Variants in GPD2 observed in about 807,000 individuals in gnomAD.
GPD2 encodes the protein glycerol-3-phosphate dehydrogenase 2, also known as glycerol-3-phosphate dehydrogenase, mitochondrial.
A neutral mutation model predicts 82.4 loss-of-function variants in GPD2; 54 were observed. That is an observed-to-expected ratio of 0.66 (90% CI 0.53 to 0.82). The LOEUF (loss-of-function observed/expected upper bound fraction) is 0.82, where lower values mean the gene tolerates loss of function less well. Ranked by LOEUF, GPD2 falls within the 40% of genes least tolerant of loss-of-function variation. The pLI is 0.00. For missense variants in GPD2, 748 were observed against 896.2 expected (o/e 0.83, Z 2.11); for synonymous variants, 288 against 306.1 (o/e 0.94, Z 0.62).
intron 1 of GPD2, among the ~76,000 whole-genome samples, chr2:156,451,473 CCCCCCCACCTCCCT>C (rs1682576697): frequency 2.6e-5 from 1 of 37,938 alleles, no homozygotes; most frequent in Non-Finnish European, 5.3e-5. Context: ...GGGGGGCTGA[CCCCCCCACCTCCCT>C]CCCGGAAGGG....
At chr2:156,480,693 G>A (rs1376822362) in intron 2 of GPD2, among the ~76,000 whole-genome samples, 4 of 151,844 alleles carry the variant, frequency 2.6e-5, no homozygotes, top group Non-Finnish European at 5.9e-5. Flanking sequence ...CTCAAAGCCC[G>A]GATGTGAAAA....
intron 8 of GPD2, among the ~76,000 whole-genome samples, chr2:156,557,133 A>G (rs1686992892): frequency 6.6e-6 from 1 of 152,170 alleles, no homozygotes; most frequent in Non-Finnish European, 1.5e-5. Context: ...TTAGCCTTGC[A>G]TTGTTGAAGT....
At chr2:156,527,391 A>G (rs898210683) in intron 6 of GPD2, among the ~76,000 whole-genome samples, 4 of 152,162 alleles carry the variant, frequency 2.6e-5, no homozygotes, top group Admixed American at 2.6e-4. Context: ...TTTCATTATT[A>G]CTATTAATAC....
chr2:156,415,246 C>T, the GPD2 span, among the ~76,000 whole-genome samples: 1 of 151,000 alleles, frequency 6.6e-6, no homozygotes, highest in Non-Finnish European at 1.5e-5. Context: ...GCAAGCTCCG[C>T]CTCCCGGGTT....
intron 13 of GPD2, among the ~76,000 whole-genome samples, chr2:156,573,207 C>T (rs1687700856): frequency 6.6e-6 from 1 of 152,086 alleles, no homozygotes; most frequent in South Asian, 2.1e-4. Context: ...AAAATTTACC[C>T]CCATGTTATA....
chr2:156,451,115 T>TC (rs914525211), intron 1 of GPD2, among the ~76,000 whole-genome samples: 7 of 148,418 alleles, frequency 4.7e-5, no homozygotes, highest in Non-Finnish European at 7.5e-5. Context: ...TCCCCACCTT[T>TC]CCCCCCGTTC....
At chr2:156,550,574 G>A in intron 7 of GPD2, 28 bp from the exon 8 acceptor site, 1 of 1,611,354 alleles carries the variant, frequency 6.2e-7, no homozygotes, top group Non-Finnish European at 8.5e-7. Context: ...CAAATGAGGT[G>A]TGTGATTGAT....
intron 2 of GPD2, among the ~76,000 whole-genome samples, chr2:156,480,323 G>T (rs1361620184): frequency 6.6e-6 from 1 of 152,176 alleles, no homozygotes; most frequent in Non-Finnish European, 1.5e-5. Context: ...AGGTTGGGAT[G>T]GGAGTGGCCA....
the GPD2 span, among the ~76,000 whole-genome samples, chr2:156,428,932 T>TAA: frequency 1.3e-5 from 2 of 152,208 alleles, no homozygotes; most frequent in African/African-American, 4.8e-5. Context: ...TCTGTGCGTG[T>TAA]AAAAAACTTT....
At chr2:156,502,737 T>C (rs904832801) in intron 3 of GPD2, among the ~76,000 whole-genome samples, 1 of 151,462 alleles carries the variant, frequency 6.6e-6, no homozygotes, top group Non-Finnish European at 1.5e-5. Context: ...TTCTGCACTT[T>C]TCTAAATCCT....
chr2:156,550,211 A>G (rs1229921307), intron 7 of GPD2, among the ~76,000 whole-genome samples: 1 of 152,232 alleles, frequency 6.6e-6, no homozygotes. Flanking sequence ...GCAGTTTCCA[A>G]ATTATATCGT....
chr2:156,568,371 C>A (rs1001762626), intron 9 of GPD2, among the ~76,000 whole-genome samples: 5 of 152,078 alleles, frequency 3.3e-5, no homozygotes, highest in African/African-American at 9.7e-5. Flanking sequence ...ATATAATATC[C>A]TGTTACAGGT....
chr2:156,568,722 A>C, intron 9 of GPD2, 103 bp from the exon 10 acceptor site: 1 of 958,552 alleles, frequency 1.0e-6, no homozygotes, highest in Non-Finnish European at 1.7e-6. Flanking sequence ...TAAAGTGCAC[A>C]CATGTGTATT....
chr2:156,422,526 C>T, the GPD2 span, among the ~76,000 whole-genome samples: 52,004 of 151,644 alleles, frequency 0.34, 9,380 homozygotes, highest in East Asian at 0.58. Flanking sequence ...GTCAGGAGAT[C>T]GAGACCATCA....
intron 8 of GPD2, among the ~76,000 whole-genome samples, chr2:156,554,446 T>C (rs1386876621): frequency 1.3e-5 from 2 of 152,250 alleles, no homozygotes; most frequent in Non-Finnish European, 2.9e-5. Context: ...GAACCATATG[T>C]GCAGTGTATC....
chr2:156,557,243 A>C, intron 8 of GPD2, 146 bp from the exon 9 acceptor site: 1 of 654,578 alleles, frequency 1.5e-6, no homozygotes, highest in Admixed American at 2.6e-5. Context: ...AGGAGTTTCT[A>C]GATTAGGGTA....
intron 2 of GPD2, among the ~76,000 whole-genome samples, chr2:156,491,584 T>A (rs1000818743): frequency 1.3e-5 from 2 of 151,736 alleles, no homozygotes; most frequent in Admixed American, 1.3e-4. Flanking sequence ...GATGTTTTAG[T>A]TTTTTTTTCC....
At chr2:156,474,125 G>C (rs189585905) in intron 1 of GPD2, among the ~76,000 whole-genome samples, 1 of 152,150 alleles carries the variant, frequency 6.6e-6, no homozygotes, top group African/African-American at 2.4e-5. Flanking sequence ...TCAAACTCCT[G>C]GGCTCTAATC....
chr2:156,522,447 TC>T (rs1311856182), intron 6 of GPD2, among the ~76,000 whole-genome samples: 2 of 152,298 alleles, frequency 1.3e-5, no homozygotes, highest in East Asian at 3.9e-4. Context: ...TATTTACCTC[TC>T]CCATTCTGTG....
Sources: allele counts gnomAD v4.1 joint callset (sites outside exome capture counted in the v4.1 genomes callset), GRCh38; gene constraint gnomAD v4.1.1; transcripts MANE v1.5; gene names NCBI Gene and HGNC (gene_info 2026-07-23, HGNC 2026-07-21).